CDK5RAP2: variants seen among roughly 807,000 people sequenced by gnomAD.
The protein encoded by CDK5RAP2 is CDK5 regulatory subunit-associated protein 2.
A neutral mutation model predicts 232.9 loss-of-function variants in CDK5RAP2; 147 were observed. The ratio of observed to expected loss-of-function variants is 0.63; its 90% confidence interval spans 0.55 to 0.72. The LOEUF (loss-of-function observed/expected upper bound fraction) is 0.72. Among genes scored for constraint, CDK5RAP2 ranks in the 30% least tolerant of loss-of-function variants. The pLI, the probability that CDK5RAP2 is intolerant of heterozygous loss-of-function variation, is 0.00. For missense variants in CDK5RAP2, 2,195 were observed against 2,231.5 expected (o/e 0.98, Z 0.33); for synonymous variants, 833 against 833.7 (o/e 1.00, Z 0.01).
intron 24 of CDK5RAP2, among the ~76,000 whole-genome samples, chr9:120,437,941 C>A (rs2131318534): frequency 6.6e-6 from 1 of 152,286 alleles, no homozygotes; most frequent in African/African-American, 2.4e-5. Context: ...TCTCTCCTCC[C>A]GAACAAAACG....
rs1331984102 is a variant in CDK5RAP2 at position 120,525,039 on chromosome 9, C to G, written c.1039G>C (p.Ala347Pro). Residue 347 changes from alanine (A) to proline (P), a missense_variant, in exon 11 of 38, where the codon GCC (alanine) becomes CCC (proline). By Grantham distance (27) the Ala-to-Pro change is conservative. Coordinates refer to ENST00000349780, the MANE Select transcript of CDK5RAP2 (RefSeq NM_018249.6). The stretch of plus-strand genomic sequence containing the variant: ...AGGGCCTCTCTGGCTTTAGCAAAGG[C>G]AGCACTGAGCTTTTCAATTTCAGAG... ...LNSEIEKLSAAFAKAREALQK... is the reference protein window; with the variant it reads ...LNSEIEKLSAPFAKAREALQK... 1 of 1,613,964 alleles carries G rather than the reference C, an allele frequency of 6.2e-7. No homozygotes were observed. The highest frequency in any genetic ancestry group is 1.3e-5 in the African/African-American group (1 of 74,920).
At chr9:120,491,129 C>G (rs1407075954) in intron 13 of CDK5RAP2, among the ~76,000 whole-genome samples, 178 bp downstream of exon 13, 1 of 152,164 alleles carries the variant, frequency 6.6e-6, no homozygotes, top group East Asian at 1.9e-4. Flanking sequence ...CTCTGAGTTT[C>G]TGTTTCACCA....
chr9:120,480,912 G>T (rs1162191683), intron 14 of CDK5RAP2, among the ~76,000 whole-genome samples: 11 of 152,218 alleles, frequency 7.2e-5, no homozygotes, highest in Non-Finnish European at 1.3e-4. Flanking sequence ...GGCACAAGGA[G>T]TTCCCAAATG....
At chr9:120,552,257 A>G (rs1372217217) in intron 3 of CDK5RAP2, among the ~76,000 whole-genome samples, 1 of 151,980 alleles carries the variant, frequency 6.6e-6, no homozygotes. Context: ...ACTGTAAACT[A>G]GTTCAACCAT....
intron 26 of CDK5RAP2, among the ~76,000 whole-genome samples, chr9:120,421,433 C>T (rs1456764963): frequency 6.6e-6 from 1 of 152,142 alleles, no homozygotes; most frequent in Non-Finnish European, 1.5e-5. Context: ...TTTAAATTTG[C>T]AAAAGCCCTG....
chr9:120,416,221 C>A (rs1460083226), intron 27 of CDK5RAP2, among the ~76,000 whole-genome samples: 1 of 152,208 alleles, frequency 6.6e-6, no homozygotes, highest in Non-Finnish European at 1.5e-5. Flanking sequence ...AGTCCCAAGA[C>A]TGCCCCTCCA....
At chr9:120,472,496 A>G (rs2037768812) in intron 15 of CDK5RAP2, among the ~76,000 whole-genome samples, 1 of 152,180 alleles carries the variant, frequency 6.6e-6, no homozygotes, top group South Asian at 2.1e-4. Flanking sequence ...TACTCCTCAA[A>G]AAAGTCATAC....
intron 1 of CDK5RAP2, 74 bp from the exon 2 acceptor site, chr9:120,572,115 C>T: frequency 8.7e-7 from 1 of 1,147,520 alleles, no homozygotes; most frequent in South Asian, 1.2e-5. Context: ...GTCTGGACTG[C>T]ACATGACAAT....
chr9:120,408,291 C>T (rs770767386), intron 31 of CDK5RAP2, 56 bp downstream of exon 31: 31 of 1,606,726 alleles, frequency 1.9e-5, no homozygotes, highest in African/African-American at 1.2e-4. Flanking sequence ...AGCCAGCTGT[C>T]GGGTGGTCTT....
chr9:120,414,971 A>C, intron 28 of CDK5RAP2, 69 bp downstream of exon 28: 1 of 1,574,324 alleles, frequency 6.4e-7, no homozygotes, highest in Non-Finnish European at 8.7e-7. Context: ...ACAGATGCTT[A>C]CTCAGGCAAA....
intron 10 of CDK5RAP2, among the ~76,000 whole-genome samples, chr9:120,526,132 A>G (rs2040889272): frequency 1.3e-5 from 2 of 152,124 alleles, no homozygotes; most frequent in African/African-American, 2.4e-5. Flanking sequence ...CTCTCCTTAG[A>G]TAAGTAGGTC....
At chr9:120,507,181 T>A (rs766872562) in intron 12 of CDK5RAP2, among the ~76,000 whole-genome samples, 1 of 152,194 alleles carries the variant, frequency 6.6e-6, no homozygotes. Flanking sequence ...CAGGTATGTA[T>A]GTTGTTATTT....
At chr9:120,389,400 A>C in intron 37 of CDK5RAP2, 108 bp from the exon 38 acceptor site, 1 of 900,206 alleles carries the variant, frequency 1.1e-6, no homozygotes, top group Non-Finnish European at 1.8e-6. Flanking sequence ...GTGCTTTCAA[A>C]AACATAGTTT....
intron 12 of CDK5RAP2, among the ~76,000 whole-genome samples, chr9:120,494,956 ACCGACCGCAGCCGCCGCCGC>A: frequency 7.3e-6 from 1 of 136,148 alleles, no homozygotes; most frequent in Non-Finnish European, 1.5e-5. Flanking sequence ...CGCTGCCGCG[ACCGACCGCAGCCGCCGCCGC>A]CCGACCGCCG....
intron 12 of CDK5RAP2, among the ~76,000 whole-genome samples, chr9:120,506,224 A>G (rs890535843): frequency 6.6e-6 from 1 of 152,246 alleles, no homozygotes; most frequent in Non-Finnish European, 1.5e-5. Context: ...GTGCTCTACA[A>G]TGGAACAACA....
intron 13 of CDK5RAP2, 70 bp downstream of exon 13, chr9:120,491,237 C>A: frequency 8.7e-7 from 1 of 1,153,776 alleles, no homozygotes; most frequent in Non-Finnish European, 1.3e-6. Context: ...AATATTTCTG[C>A]AAAAGAATTA....
Position 120,580,095 on chromosome 9 carries a change from A to C in CDK5RAP2, c.-117T>G, listed in dbSNP as rs1262914240. 1.6e-6 allele frequency: 1 copy of C among 624,064 alleles called. No individual in the cohort carries two copies. The highest frequency in any genetic ancestry group is 1.9e-5 in the South Asian group (1 of 52,822). The allele number at this position is 624,064 out of a possible 1,614,324, so 38.7% of individuals were successfully genotyped here. ...GCCCCCTCCACCCCAGCTCTTGTTC[A>C]GACTCTGGCGGCGCCGCTGGAATTC... is the stretch of plus-strand genomic sequence containing the variant. On this transcript the variant is annotated 5_prime_UTR_variant, in exon 1 of 38. Coordinates refer to ENST00000349780, the MANE Select transcript of CDK5RAP2 (RefSeq NM_018249.6).
At position 120,568,290 on chromosome 9, in the gene CDK5RAP2, T is replaced by C. The variant is rs751816267; in HGVS notation, c.195+31A>G. ...GGACAGTGGCAGCAGACACAATTTG[T>C]TGGGGGCAGTAATTTGGTATTTCCA... On this transcript the variant is annotated intron_variant, in intron 3 of 37. Transcript: ENST00000349780. 5.2e-6 allele frequency: 8 copies of C among 1,544,474 alleles called. No individual in the cohort carries two copies. In the African/African-American group the frequency reaches 6.8e-5, roughly 13 times the overall value.
chr9:120,536,581 T>C lies in CDK5RAP2; in HGVS notation c.508-55A>G, dbSNP rs73660578. 1.3e-3 allele frequency: 2,045 copies of C among 1,527,392 alleles called. 17 individuals are homozygous for C. The African/African-American group carries it at 0.024, about 18-fold the overall frequency. 94.6% of individuals were successfully genotyped at this position (1,527,392 alleles called of 1,614,324 possible). On this transcript the variant is annotated intron_variant, in intron 6 of 37. Transcript: ENST00000349780. Reference sequence around the variant, plus strand: ...ATTTTTCAATACAATTGGGAACATTTTGAAAGGAAATTGGATTAAAATATA... The same window carrying C: ...ATTTTTCAATACAATTGGGAACATTCTGAAAGGAAATTGGATTAAAATATA...
Sources: allele counts gnomAD v4.1 joint callset (sites outside exome capture counted in the v4.1 genomes callset), GRCh38; gene constraint gnomAD v4.1.1; transcripts MANE v1.5; gene names NCBI Gene and HGNC (gene_info 2026-07-23, HGNC 2026-07-21).